Variants in E2F6 observed in about 807,000 individuals in gnomAD.
E2F6 encodes the protein E2F transcription factor 6.
E2F6 carries 19 observed loss-of-function variants against 31.5 expected under a neutral mutation model. The ratio of observed to expected loss-of-function variants is 0.60; its 90% CI spans 0.42 to 0.89. E2F6 has a LOEUF of 0.89. E2F6 is among the 40% of genes least tolerant of loss of function. E2F6 has a pLI of 0.00. For synonymous variants in E2F6, 121 were observed against 127.7 expected, an observed-to-expected ratio of 0.95 and a Z score of 0.36; for missense variants, 269 against 341.6, an observed-to-expected ratio of 0.79 and a Z score of 1.67.
intron 2 of E2F6, among the ~76,000 whole-genome samples, chr2:11,454,636 G>T (rs1435378515): frequency 6.6e-6 from 1 of 151,954 alleles, no homozygotes; most frequent in Non-Finnish European, 1.5e-5. Context: ...GGCATTAAGA[G>T]CCACCGCGGC....
intron 6 of E2F6, among the ~76,000 whole-genome samples, chr2:11,447,187 A>C (rs1670770914): frequency 6.6e-6 from 1 of 152,170 alleles, no homozygotes; most frequent in Non-Finnish European, 1.5e-5. Context: ...CGTCCTTAGA[A>C]ATGTGCAACT....
chr2:11,458,662 G>T (rs946247438), intron 1 of E2F6, among the ~76,000 whole-genome samples: 8 of 152,194 alleles, frequency 5.3e-5, no homozygotes, highest in African/African-American at 1.9e-4. Context: ...AAGCCTGAAG[G>T]CAAGGTGAGC....
intron 1 of E2F6, among the ~76,000 whole-genome samples, chr2:11,458,685 C>T (rs891169491): frequency 3.3e-5 from 5 of 152,200 alleles, no homozygotes; most frequent in Non-Finnish European, 1.5e-5. Flanking sequence ...TTAAGAAGCT[C>T]TTTGTTTATA....
Position 11,453,700 on chromosome 2 carries a change from C to T in E2F6, c.262G>A (p.Asp88Asn), listed in dbSNP as rs1188346315. Residue 88 changes from aspartate to asparagine, a missense_variant, in exon 3 of 7, where the codon GAC becomes AAC. Transcript: ENST00000381525. ...LVRSAPGGIL[D>N]LNKVATKLGV... ...AGTTTCGTTGCAACCTTGTTTAAGT[C>T]AAGAATACCCCCGGGAGCAGATCTG... 4 of 1,614,112 alleles carry T rather than the reference C, an allele frequency of 2.5e-6. No individual in the cohort carries two copies. The highest frequency in any genetic ancestry group is 3.4e-6 in the Non-Finnish European group (4 of 1,180,026).
chr2:11,449,744 T>C (rs1222074777), intron 5 of E2F6, among the ~76,000 whole-genome samples: 1 of 152,218 alleles, frequency 6.6e-6, no homozygotes, highest in East Asian at 1.9e-4. Flanking sequence ...AAGCAAACTA[T>C]GAAGCCACAC....
intron 1 of E2F6, among the ~76,000 whole-genome samples, chr2:11,463,357 T>C (rs536573709): frequency 6.6e-6 from 1 of 152,356 alleles, no homozygotes; most frequent in South Asian, 2.1e-4. Context: ...TTCTCTTATT[T>C]ATGATTTTCT....
In E2F6 at chr2:11,445,010, A is replaced by C. The variant is rs1387453680; in HGVS notation, c.*1467T>G. 2 of 152,266 alleles carry C rather than the reference A, an allele frequency of 1.3e-5. No homozygotes were observed. The highest frequency in any genetic ancestry group is 3.8e-4 in the East Asian group (2 of 5,198). 9.4% of individuals were successfully genotyped at this position (152,266 alleles called of 1,614,324 possible). A position where few individuals can be genotyped will look rare whatever the true frequency, so the allele number is the denominator to read the frequency against. On this transcript the variant is annotated 3_prime_UTR_variant, in exon 7 of 7. Coordinates refer to ENST00000381525, the MANE Select transcript of E2F6 (RefSeq NM_198256.4). ...GAGCACACTTCATCCCCAGGTGCACAGAAACACACCGGCAGGACTGCTGCA... is the reference window on the plus strand; with the variant it reads ...GAGCACACTTCATCCCCAGGTGCACCGAAACACACCGGCAGGACTGCTGCA...
chr2:11,445,862 A>G lies in E2F6; in HGVS notation c.*615T>C, dbSNP rs1344107210. On this transcript the variant is annotated 3_prime_UTR_variant, in exon 7 of 7. Coordinates refer to ENST00000381525, the MANE Select transcript of E2F6 (RefSeq NM_198256.4). ...GATACTTCTACATGTAGAAGTTTGG[A>G]AAAAGTCTCTTCTAACCCTCATCCA... 2.6e-5 allele frequency: 4 copies of G among 151,430 alleles called. No homozygotes were observed. In the East Asian group the frequency reaches 7.8e-4, roughly 30 times the overall value. 9.4% of individuals were successfully genotyped at this position (151,430 alleles called of 1,614,324 possible). A position where few individuals can be genotyped will look rare whatever the true frequency, so the allele number is the denominator to read the frequency against.
chr2:11,465,178 C>CAAAAAAAAAAAAA (rs59561027), intron 1 of E2F6, among the ~76,000 whole-genome samples: 8 of 88,540 alleles, frequency 9.0e-5, no homozygotes, highest in African/African-American at 1.9e-4. Flanking sequence ...AACTCAATCT[C>CAAAAAAAAAAAAA]AAAAAAAAAA....
chr2:11,451,855 A>C (rs1671090996), intron 3 of E2F6, 49 bp from the exon 4 acceptor site: 1 of 1,530,314 alleles, frequency 6.5e-7, no homozygotes, highest in Non-Finnish European at 8.9e-7. Context: ...GGAGATAACA[A>C]AGTAATTTCA....
intron 1 of E2F6, among the ~76,000 whole-genome samples, chr2:11,464,518 A>T (rs901011799): frequency 6.4e-5 from 7 of 109,414 alleles, no homozygotes; most frequent in Admixed American, 1.7e-4. Context: ...CTTCGTCACC[A>T]AAAAAAAAAA....
chr2:11,462,706 G>A (rs73181977), intron 1 of E2F6, among the ~76,000 whole-genome samples: 8,359 of 152,218 alleles, frequency 0.055, 688 homozygotes, highest in African/African-American at 0.18. Flanking sequence ...GCTACTAAGC[G>A]ACTAAGGGCA....
chr2:11,466,111 C>T lies in E2F6; in HGVS notation c.-232G>A. On this transcript the variant is annotated 5_prime_UTR_variant, in exon 1 of 7. Coordinates refer to ENST00000381525, the MANE Select transcript of E2F6 (RefSeq NM_198256.4). ...CAGACGGAAAAAGAGGAGGGAGACCCGCGGATCTCAAGTCGCCCGGCCCGC... is the reference window on the plus strand; with the variant it reads ...CAGACGGAAAAAGAGGAGGGAGACCTGCGGATCTCAAGTCGCCCGGCCCGC... 2.1e-6 allele frequency: 1 copy of T among 484,728 alleles called. No individual in the cohort carries two copies. Among genetic ancestry groups the T allele is most frequent in the South Asian group, 3.0e-5 (1 of 32,874 alleles). The allele number at this position is 484,728 out of a possible 1,614,324, so 30.0% of individuals were successfully genotyped here.
At chr2:11,459,671 C>T (rs531844641) in intron 1 of E2F6, among the ~76,000 whole-genome samples, 4 of 152,040 alleles carry the variant, frequency 2.6e-5, no homozygotes, top group East Asian at 1.9e-4. Flanking sequence ...ATCACAAGGT[C>T]AGGAGTTCAA....
rs1297983468 is a variant in E2F6 at position 11,453,788 on chromosome 2, T to C, written c.174A>G (p.Lys58=). ...ATACATCAAAACGAGGTCTCTTCAC[T>C]TTTAGAGCTTCTGGGAAACAAAATA... The part of the protein sequence containing the change: ...VQYVSMRKAL[K]VKRPRFDVSL... Residue 58 remains lysine, a synonymous_variant, in exon 3 of 7, where the codon AAA becomes AAG. Transcript: ENST00000381525. 1.2e-6 allele frequency: 2 copies of C among 1,612,464 alleles called. No individual in the cohort carries two copies. The highest frequency in any genetic ancestry group is 1.1e-5 in the South Asian group (1 of 90,558).
At position 11,447,621 on chromosome 2, in the gene E2F6, A is replaced by G. The variant is rs1185642364; in HGVS notation, c.799+6T>C. ...AAAATACTGTCAGAATCACTGGTATATTTACCTTCCTCAGGGCCTTCTGGA... is the reference window on the plus strand; with the variant it reads ...AAAATACTGTCAGAATCACTGGTATGTTTACCTTCCTCAGGGCCTTCTGGA... On this transcript the variant is annotated splice_donor_region_variant and intron_variant, in intron 6 of 6. Coordinates refer to ENST00000381525, the MANE Select transcript of E2F6 (RefSeq NM_198256.4). 1.2e-6 allele frequency: 2 copies of G among 1,611,478 alleles called. No homozygotes were observed. Among genetic ancestry groups the G allele is most frequent in the East Asian group, 4.5e-5 (2 of 44,882 alleles).
intron 3 of E2F6, among the ~76,000 whole-genome samples, chr2:11,453,169 T>C (rs979918505): frequency 6.6e-6 from 1 of 151,930 alleles, no homozygotes; most frequent in African/African-American, 2.4e-5. Context: ...AGACACTGTC[T>C]GATTTTTTTT....
chr2:11,452,262 T>A (rs1462232304), intron 3 of E2F6, among the ~76,000 whole-genome samples: 1 of 152,196 alleles, frequency 6.6e-6, no homozygotes, highest in African/African-American at 2.4e-5. Context: ...TTCCCTAGTG[T>A]ACACATTCTG....
intron 2 of E2F6, among the ~76,000 whole-genome samples, chr2:11,454,545 C>G (rs757751998): frequency 6.6e-6 from 1 of 152,062 alleles, no homozygotes. Context: ...CGGGGTTTCA[C>G]CATATTGGCC....
Sources: allele counts gnomAD v4.1 joint callset (sites outside exome capture counted in the v4.1 genomes callset), GRCh38; gene constraint gnomAD v4.1.1; transcripts MANE v1.5; gene names NCBI Gene and HGNC (gene_info 2026-07-23, HGNC 2026-07-21).